The following ANKRD30BL variants were observed in gnomAD, a reference collection of about 807,000 sequenced individuals.
The protein encoded by ANKRD30BL is putative ankyrin repeat domain-containing protein 30B-like.
ANKRD30BL carries 20 observed loss-of-function variants against 18.4 expected under a neutral mutation model. The observed-to-expected ratio is 1.09, with a 90% CI of 0.77 to 1.58. The LOEUF (loss-of-function observed/expected upper bound fraction) is 1.58. Among genes scored for constraint, ANKRD30BL ranks in the 40% most tolerant of loss-of-function variants. The probability of loss-of-function intolerance (pLI) is 0.00; values close to 1 mark genes in which losing one functional copy is unlikely to be tolerated. For synonymous variants in ANKRD30BL, 72 were observed against 100.9 expected (o/e 0.71, Z 1.72); for missense variants, 224 against 268.6 (o/e 0.83, Z 1.16).
upstream of ANKRD30BL, among the ~76,000 whole-genome samples, chr2:132,164,723 TTTG>T (rs774825793): frequency 6.6e-6 from 1 of 152,192 alleles, no homozygotes; most frequent in Non-Finnish European, 1.5e-5. Flanking sequence ...GAACACCTAC[TTTG>T]TTGTTGTTGT....
chr2:132,229,891 A>T (rs1399707473), intron 1 of ANKRD30BL, among the ~76,000 whole-genome samples: 1 of 152,102 alleles, frequency 6.6e-6, no homozygotes, highest in African/African-American at 2.4e-5. Context: ...GCAGTTTTGA[A>T]ACACTCTGTT....
At chr2:132,193,590 C>T (rs1206925593) in intron 1 of ANKRD30BL, among the ~76,000 whole-genome samples, 2 of 152,134 alleles carry the variant, frequency 1.3e-5, no homozygotes, top group Non-Finnish European at 2.9e-5. Flanking sequence ...ATTACATACA[C>T]TCTTCAAGAA....
chr2:132,256,317 G>C (rs987486223), intron 1 of ANKRD30BL, among the ~76,000 whole-genome samples: 11 of 146,414 alleles, frequency 7.5e-5, no homozygotes, highest in African/African-American at 1.3e-4. Context: ...TGGTGGGAGG[G>C]GGGTGGTGGG....
At chr2:132,251,667 C>G (rs943823101) in intron 1 of ANKRD30BL, among the ~76,000 whole-genome samples, 1 of 152,178 alleles carries the variant, frequency 6.6e-6, no homozygotes, top group African/African-American at 2.4e-5. Flanking sequence ...AAAAAATGTG[C>G]TTTGTTCTTT....
chr2:132,224,028 G>A (rs1679772479), intron 1 of ANKRD30BL, among the ~76,000 whole-genome samples: 1 of 152,154 alleles, frequency 6.6e-6, no homozygotes, highest in African/African-American at 2.4e-5. Flanking sequence ...TCAACGCACA[G>A]AGTTGAACCT....
At chr2:132,229,138 CT>C (rs1225647309) in intron 1 of ANKRD30BL, among the ~76,000 whole-genome samples, 1 of 152,072 alleles carries the variant, frequency 6.6e-6, no homozygotes, top group African/African-American at 2.4e-5. Context: ...TAGAAGAATT[CT>C]GAGAAACTAC....
At chr2:132,153,151 G>GCCC (rs1462876490) in intron 4 of ANKRD30BL, among the ~76,000 whole-genome samples, 6 of 151,776 alleles carry the variant, frequency 4.0e-5, no homozygotes, top group African/African-American at 1.5e-4. Context: ...GGCCATTTCT[G>GCCC]CCCCCACCGC....
At chr2:132,211,625 C>G (rs1366177744) in intron 1 of ANKRD30BL, among the ~76,000 whole-genome samples, 1 of 152,084 alleles carries the variant, frequency 6.6e-6, no homozygotes, top group East Asian at 1.9e-4. Flanking sequence ...GTGCATTCAT[C>G]TCACAGAGTT....
At chr2:132,255,379 G>T (rs1378065158) in intron 1 of ANKRD30BL, among the ~76,000 whole-genome samples, 1 of 152,048 alleles carries the variant, frequency 6.6e-6, no homozygotes, top group Non-Finnish European at 1.5e-5. Context: ...GCTTGGGCCT[G>T]CTTTGAACAC....
intron 1 of ANKRD30BL, among the ~76,000 whole-genome samples, chr2:132,224,523 T>G (rs974158050): frequency 6.6e-6 from 1 of 151,996 alleles, no homozygotes; most frequent in African/African-American, 2.4e-5. Flanking sequence ...TTGTGATGTG[T>G]GCATTCAACT....
chr2:132,162,926 C>G (rs1387296598), upstream of ANKRD30BL, among the ~76,000 whole-genome samples: 3 of 152,210 alleles, frequency 2.0e-5, no homozygotes, highest in African/African-American at 7.2e-5. Context: ...GGCTACAGTT[C>G]TGACAGGCAC....
At chr2:132,188,793 C>G (rs7595114) in intron 1 of ANKRD30BL, among the ~76,000 whole-genome samples, 9,109 of 152,110 alleles carry the variant, frequency 0.06, 358 homozygotes, top group South Asian at 0.14. Context: ...TACCTGTAAC[C>G]TAGAGAATAA....
At chr2:132,233,181 G>A (rs1354497179) in intron 1 of ANKRD30BL, among the ~76,000 whole-genome samples, 1,616 of 151,750 alleles carry the variant, frequency 0.011, 24 homozygotes, top group African/African-American at 0.036. Context: ...AGCTCCTGAA[G>A]GAAGCACTAA....
intron 1 of ANKRD30BL, among the ~76,000 whole-genome samples, chr2:132,172,908 A>G (rs887678780): frequency 4.6e-5 from 7 of 152,114 alleles, no homozygotes; most frequent in African/African-American, 1.4e-4. Context: ...GGGTTTCACC[A>G]TATTGGCCAG....
At chr2:132,162,742 C>T (rs1372164850), upstream of ANKRD30BL, among the ~76,000 whole-genome samples, 2 of 152,390 alleles carry the variant, frequency 1.3e-5, no homozygotes, top group Admixed American at 6.5e-5. Context: ...CCCTCCCACT[C>T]TAGGCCCTGC....
chr2:132,178,601 C>T (rs1214672362), intron 1 of ANKRD30BL, among the ~76,000 whole-genome samples: 1 of 147,052 alleles, frequency 6.8e-6, no homozygotes, highest in African/African-American at 2.5e-5. Context: ...TATAATTTTA[C>T]TTTCTAGACC....
chr2:132,148,600 G>T (rs985495896), intron 5 of ANKRD30BL, among the ~76,000 whole-genome samples: 2 of 151,714 alleles, frequency 1.3e-5, no homozygotes, highest in Non-Finnish European at 2.9e-5. Context: ...AAACTCCTGT[G>T]CTCAAGCAAT....
chr2:132,207,966 T>C (rs538338822), intron 1 of ANKRD30BL, among the ~76,000 whole-genome samples: 1 of 152,196 alleles, frequency 6.6e-6, no homozygotes, highest in Non-Finnish European at 1.5e-5. Flanking sequence ...AGTATCCCAA[T>C]GTGAAATTGT....
chr2:132,246,360 A>T (rs1284760394), intron 1 of ANKRD30BL, among the ~76,000 whole-genome samples: 1 of 152,064 alleles, frequency 6.6e-6, no homozygotes, highest in African/African-American at 2.4e-5. Context: ...TACTCAACTC[A>T]CAGAGTTGAA....
Sources: gnomAD v4.1 joint callset for allele counts (sites outside exome capture counted in the v4.1 genomes callset) on GRCh38, gnomAD v4.1.1 for gene constraint, MANE v1.5 for transcripts, NCBI Gene and HGNC (gene_info 2026-07-23, HGNC 2026-07-21) for gene names.